Variants in SNTG1 observed in about 807,000 individuals in gnomAD.
SNTG1 encodes the protein gamma-1-syntrophin.
In SNTG1, 39 loss-of-function variants were observed where a neutral mutation model predicts 74.7. The observed-to-expected ratio is 0.52, with a 90% CI of 0.40 to 0.68. The LOEUF is 0.68. SNTG1 is among the 30% of genes least tolerant of loss of function. The pLI is 0.00. For missense variants in SNTG1, 685 were observed against 609.5 expected, an observed-to-expected ratio of 1.12 and a Z score of -1.30; for synonymous variants, 254 against 217.1, an observed-to-expected ratio of 1.17 and a Z score of -1.49.
chr8:50,653,886 A>G (rs2095163914), intron 13 of SNTG1, among the ~76,000 whole-genome samples: 1 of 152,206 alleles, frequency 6.6e-6, no homozygotes, highest in Non-Finnish European at 1.5e-5. Flanking sequence ...TCCAGAAGCT[A>G]AACGATGTGT....
intron 2 of SNTG1, among the ~76,000 whole-genome samples, chr8:50,219,465 G>A (rs1386668962): frequency 6.6e-6 from 1 of 152,144 alleles, no homozygotes; most frequent in Non-Finnish European, 1.5e-5. Context: ...AGAACTACCT[G>A]AGACTGGGTA....
At chr8:49,955,756 T>G (rs896377642) in intron 1 of SNTG1, among the ~76,000 whole-genome samples, 10 of 152,204 alleles carry the variant, frequency 6.6e-5, no homozygotes, top group African/African-American at 2.4e-4. Flanking sequence ...ACCACTGTGG[T>G]GGCCCACGCT....
chr8:50,113,921 CAAATAAATAAAT>C lies in SNTG1; in HGVS notation c.-102-58618_-102-58607del, dbSNP rs3086086. Among the ~76,000 whole-genome samples, 8 of 149,444 alleles carry C rather than the reference CAAATAAATAAAT, an allele frequency of 5.4e-5. No homozygotes were observed. The East Asian group carries it at 5.9e-4, about 11-fold the overall frequency. On this transcript the variant is annotated intron_variant, in intron 1 of 18. Coordinates refer to ENST00000642720, the MANE Select transcript of SNTG1 (RefSeq NM_018967.5). ...GAACTTAAAGTATAATAAAAATATA[CAAATAAATAAAT>C]AAATAAATAAATAAATAAATATGCA...
chr8:50,748,502 T>G (rs894100906), intron 17 of SNTG1, among the ~76,000 whole-genome samples: 2 of 152,040 alleles, frequency 1.3e-5, no homozygotes, highest in African/African-American at 4.8e-5. Context: ...ACAGTGTGAA[T>G]GTATTGACAT....
At chr8:50,778,547 GTTGT>G (rs1181222563) in intron 18 of SNTG1, among the ~76,000 whole-genome samples, 15 of 152,134 alleles carry the variant, frequency 9.9e-5, no homozygotes, top group African/African-American at 3.4e-4. Context: ...TTTTGATGGG[GTTGT>G]TTGTTTCTTT....
At chr8:50,416,454 C>T (rs1254853754) in intron 4 of SNTG1, among the ~76,000 whole-genome samples, 1 of 138,258 alleles carries the variant, frequency 7.2e-6, no homozygotes, top group African/African-American at 2.5e-5. Flanking sequence ...GGCCTTCTTA[C>T]TTAAGAGCAT....
At chr8:50,452,931 T>C (rs891814043) in intron 8 of SNTG1, among the ~76,000 whole-genome samples, 2 of 152,118 alleles carry the variant, frequency 1.3e-5, no homozygotes, top group African/African-American at 4.8e-5. Flanking sequence ...ATGTAGGTGG[T>C]TTTGAGCTAG....
chr8:50,113,909 A>G (rs1289348510), intron 1 of SNTG1, among the ~76,000 whole-genome samples: 1 of 147,386 alleles, frequency 6.8e-6, no homozygotes, highest in African/African-American at 2.6e-5. Flanking sequence ...CTTAAAGTAT[A>G]ATAAAAATAT....
At chr8:50,308,976 C>T (rs1357511423) in intron 2 of SNTG1, among the ~76,000 whole-genome samples, 3 of 152,044 alleles carry the variant, frequency 2.0e-5, no homozygotes, top group African/African-American at 4.8e-5. Flanking sequence ...TTGATCTACA[C>T]ATCAAAGATG....
intron 2 of SNTG1, among the ~76,000 whole-genome samples, chr8:50,391,532 C>CT (rs923466437): frequency 8.5e-5 from 13 of 152,168 alleles, no homozygotes; most frequent in African/African-American, 2.9e-4. Context: ...CTAAAATTCT[C>CT]TTTTTTTGTT....
At chr8:50,115,663 T>C (rs751170185) in intron 1 of SNTG1, among the ~76,000 whole-genome samples, 4 of 149,682 alleles carry the variant, frequency 2.7e-5, no homozygotes, top group Admixed American at 6.7e-5. Context: ...GACAAATGAG[T>C]GCTGAGAGGT....
chr8:50,089,013 A>C (rs959798891), intron 1 of SNTG1, among the ~76,000 whole-genome samples: 2 of 151,788 alleles, frequency 1.3e-5, no homozygotes, highest in African/African-American at 4.8e-5. Context: ...CTATACTACA[A>C]GGCTACAGTA....
At chr8:50,471,803 A>G (rs1278361002) in intron 8 of SNTG1, among the ~76,000 whole-genome samples, 4 of 152,218 alleles carry the variant, frequency 2.6e-5, no homozygotes, top group Non-Finnish European at 4.4e-5. Flanking sequence ...ATGACCCTAT[A>G]TGTAGAAATC....
At chr8:50,629,597 T>C (rs2094981955) in intron 13 of SNTG1, among the ~76,000 whole-genome samples, 1 of 152,034 alleles carries the variant, frequency 6.6e-6, no homozygotes, top group Non-Finnish European at 1.5e-5. Context: ...TTTAAGTGTG[T>C]CCTCAATGAT....
rs139918777 is a variant in SNTG1, at chr8:49,959,833, C to G, written c.-103+47602C>G. On this transcript the variant is annotated intron_variant, in intron 1 of 18. Coordinates refer to ENST00000642720, the MANE Select transcript of SNTG1 (RefSeq NM_018967.5). Reference sequence around the variant, plus strand: ...TTTAGAATACAAATGGTAACCTTTCCCTATCTGCATGGCACACTTGCTTAT... The same window carrying G: ...TTTAGAATACAAATGGTAACCTTTCGCTATCTGCATGGCACACTTGCTTAT... Among the ~76,000 whole-genome samples the G allele has an allele frequency of 7.2e-5, 11 of 152,236 alleles. No individual in the cohort carries two copies. The East Asian group carries it at 1.5e-3, about 21-fold the overall frequency.
chr8:50,661,368 G>A (rs2095222316), intron 15 of SNTG1, among the ~76,000 whole-genome samples: 1 of 152,122 alleles, frequency 6.6e-6, no homozygotes, highest in Non-Finnish European at 1.5e-5. Context: ...ATGTATTCAA[G>A]ATATTAAATC....
chr8:50,018,494 T>A (rs1266645882), intron 1 of SNTG1, among the ~76,000 whole-genome samples: 1 of 151,944 alleles, frequency 6.6e-6, no homozygotes, highest in Non-Finnish European at 1.5e-5. Flanking sequence ...CCACACAAAA[T>A]GGACTGTAGA....
chr8:50,114,820 G>A (rs369856709), intron 1 of SNTG1, among the ~76,000 whole-genome samples: 13 of 152,176 alleles, frequency 8.5e-5, no homozygotes, highest in South Asian at 8.3e-4. Flanking sequence ...AGCCGAGATC[G>A]TGCCAATGCA....
chr8:50,223,837 A>G (rs1254005745), intron 2 of SNTG1, among the ~76,000 whole-genome samples: 1 of 152,110 alleles, frequency 6.6e-6, no homozygotes, highest in East Asian at 1.9e-4. Context: ...TTCAGTGTAG[A>G]ACAGATGCAT....
Sources: allele counts gnomAD v4.1 joint callset (sites outside exome capture counted in the v4.1 genomes callset), GRCh38; gene constraint gnomAD v4.1.1; transcripts MANE v1.5; gene names NCBI Gene and HGNC (gene_info 2026-07-23, HGNC 2026-07-21).